Variants in INPP4B observed in about 807,000 individuals in gnomAD.
INPP4B encodes inositol polyphosphate 4-phosphatase type II.
In INPP4B, 55 loss-of-function variants were observed where a neutral mutation model predicts 122.5. The ratio of observed to expected loss-of-function variants is 0.45; its 90% CI spans 0.36 to 0.56. The LOEUF is 0.56. Among genes scored for constraint, INPP4B ranks in the 20% least tolerant of loss-of-function variants. The pLI, the probability that INPP4B is intolerant of heterozygous loss-of-function variation, is 0.00. For missense variants in INPP4B, 1,000 were observed against 1,097.7 expected (o/e 0.91, Z 1.26); for synonymous variants, 403 against 388.7 (o/e 1.04, Z -0.43).
intron 11 of INPP4B, among the ~76,000 whole-genome samples, chr4:142,247,350 A>G (rs1183792318): frequency 6.6e-6 from 1 of 152,118 alleles, no homozygotes; most frequent in African/African-American, 2.4e-5. Context: ...ATTGTTTGGA[A>G]TCGTTTCAGA....
chr4:142,106,657 T>C (rs1270375685), intron 23 of INPP4B, among the ~76,000 whole-genome samples: 1 of 152,164 alleles, frequency 6.6e-6, no homozygotes, highest in Non-Finnish European at 1.5e-5. Flanking sequence ...CTTTGTAATA[T>C]ATATTTTGAG....
chr4:142,589,252 A>C (rs1264633020), intron 2 of INPP4B, among the ~76,000 whole-genome samples: 1 of 152,082 alleles, frequency 6.6e-6, no homozygotes, highest in Non-Finnish European at 1.5e-5. Context: ...GAGTTCTTAG[A>C]TATAACCATA....
chr4:142,690,566 T>A (rs1273807603), intron 2 of INPP4B, among the ~76,000 whole-genome samples: 1 of 152,150 alleles, frequency 6.6e-6, no homozygotes, highest in Non-Finnish European at 1.5e-5. Flanking sequence ...ACTGTGCTCT[T>A]GATTTAGTGT....
intron 2 of INPP4B, among the ~76,000 whole-genome samples, chr4:142,671,615 C>T (rs1447023965): frequency 3.3e-5 from 5 of 152,104 alleles, no homozygotes; most frequent in African/African-American, 7.2e-5. Context: ...AGTTGTCCCA[C>T]TTACTATTAT....
At chr4:142,599,737 A>T (rs1200957346) in intron 2 of INPP4B, among the ~76,000 whole-genome samples, 3 of 152,234 alleles carry the variant, frequency 2.0e-5, no homozygotes, top group Middle Eastern at 6.8e-3. Context: ...CATACAAAAA[A>T]ATCTCAGTAA....
At chr4:142,047,011 T>TC (rs1234319787) in intron 25 of INPP4B, among the ~76,000 whole-genome samples, 1 of 152,020 alleles carries the variant, frequency 6.6e-6, no homozygotes, top group Non-Finnish European at 1.5e-5. Context: ...TTTTCCTTTC[T>TC]CCTCTCTCTC....
chr4:142,154,381 T>C (rs573260299), intron 17 of INPP4B, among the ~76,000 whole-genome samples: 34 of 152,306 alleles, frequency 2.2e-4, no homozygotes, highest in African/African-American at 7.7e-4. Flanking sequence ...AAGGCCTTCA[T>C]TAGTCATGAC....
intron 1 of INPP4B, among the ~76,000 whole-genome samples, chr4:142,800,395 G>T (rs1777852283): frequency 6.6e-6 from 1 of 152,068 alleles, no homozygotes; most frequent in Admixed American, 6.6e-5. Context: ...TTATTTACAA[G>T]GCTGTAAAGA....
chr4:142,414,612 T>C (rs764143222), intron 5 of INPP4B, among the ~76,000 whole-genome samples: 1 of 152,208 alleles, frequency 6.6e-6, no homozygotes, highest in African/African-American at 2.4e-5. Context: ...TATGCCCTGC[T>C]CCCTTAGCTT....
At chr4:142,592,089 T>C (rs1737622538) in intron 2 of INPP4B, among the ~76,000 whole-genome samples, 1 of 152,220 alleles carries the variant, frequency 6.6e-6, no homozygotes, top group Admixed American at 6.5e-5. Context: ...GGAAGGCTTA[T>C]ATGAGACACA....
intron 21 of INPP4B, among the ~76,000 whole-genome samples, chr4:142,121,121 G>A (rs973477629): frequency 1.3e-5 from 2 of 152,010 alleles, no homozygotes; most frequent in Non-Finnish European, 2.9e-5. Flanking sequence ...ATATAGAATT[G>A]TACTGTTTTT....
intron 12 of INPP4B, among the ~76,000 whole-genome samples, chr4:142,215,170 A>G (rs1846581042): frequency 6.6e-6 from 1 of 152,214 alleles, no homozygotes; most frequent in South Asian, 2.1e-4. Flanking sequence ...CAGATGGAGA[A>G]GCTAAGGTAA....
intron 9 of INPP4B, among the ~76,000 whole-genome samples, chr4:142,276,202 T>C (rs1748319754): frequency 1.3e-5 from 2 of 151,918 alleles, no homozygotes; most frequent in Admixed American, 1.3e-4. Flanking sequence ...CCTACTTCCC[T>C]TCCTCCAGTA....
intron 5 of INPP4B, among the ~76,000 whole-genome samples, chr4:142,405,745 G>A (rs995208033): frequency 4.6e-5 from 7 of 152,126 alleles, no homozygotes; most frequent in African/African-American, 1.7e-4. Context: ...TAGATCAAGT[G>A]TTTGAATTCA....
rs70949184 is a variant in INPP4B at position 142,720,809 on chromosome 4, C to CTATATATA, written c.-191+5022_-191+5029dup. 4.3e-3 allele frequency among the ~76,000 whole-genome samples: 56 copies of CTATATATA among 12,914 alleles called. 2 individuals carry two copies. In the East Asian group the frequency reaches 0.044, roughly 10 times the overall value. The allele number at this position is 12,914 out of a possible 152,430, so 8.5% of individuals were successfully genotyped here. ...TCTCTCTCTCTCTCTCTCTCTCTCT[C>CTATATATA]TATATATATATATATATATAGTTTT... is the stretch of plus-strand genomic sequence containing the variant. On this transcript the variant is annotated intron_variant, in intron 2 of 25. Coordinates refer to ENST00000262992, the MANE Select transcript of INPP4B (RefSeq NM_001101669.3).
chr4:142,771,297 G>A (rs1225449079), intron 1 of INPP4B, among the ~76,000 whole-genome samples: 1 of 152,158 alleles, frequency 6.6e-6, no homozygotes, highest in Non-Finnish European at 1.5e-5. Flanking sequence ...GGATAATGTA[G>A]TTAGAAATTT....
At position 142,198,454 on chromosome 4, in the gene INPP4B, TC is replaced by T. The variant is rs1212634836; in HGVS notation, c.1073-5260del. Among the ~76,000 whole-genome samples, 46 of 151,406 alleles carry T rather than the reference TC, an allele frequency of 3.0e-4. 1 individual carries two copies. Among genetic ancestry groups the T allele is most frequent in the Middle Eastern group, 6.8e-3 (2 of 294 alleles). ...TATTCTTGTTATAGTTTTCATGTGT[TC>T]CTTTTTTTAAAAAAAAGAATACTTT... On this transcript the variant is annotated intron_variant, in intron 14 of 25. Coordinates refer to ENST00000262992, the MANE Select transcript of INPP4B (RefSeq NM_001101669.3).
At chr4:142,401,000 A>G (rs1204444107) in intron 7 of INPP4B, among the ~76,000 whole-genome samples, 1 of 152,222 alleles carries the variant, frequency 6.6e-6, no homozygotes, top group Non-Finnish European at 1.5e-5. Context: ...TCACTTCTGT[A>G]GCACAGTGTT....
At chr4:142,658,785 T>C (rs1465915270) in intron 2 of INPP4B, among the ~76,000 whole-genome samples, 3 of 152,302 alleles carry the variant, frequency 2.0e-5, no homozygotes, top group East Asian at 1.9e-4. Context: ...ACCTCATCTA[T>C]GCAGTCCCTG....
Sources: gnomAD v4.1 joint callset for allele counts (sites outside exome capture counted in the v4.1 genomes callset) on GRCh38, gnomAD v4.1.1 for gene constraint, MANE v1.5 for transcripts, NCBI Gene and HGNC (gene_info 2026-07-23, HGNC 2026-07-21) for gene names.